Variants in CACNA1D observed in about 807,000 individuals in gnomAD.
The protein encoded by CACNA1D is calcium voltage-gated channel subunit alpha1 D.
CACNA1D carries 55 observed loss-of-function variants against 257.1 expected under a neutral mutation model. That is an observed-to-expected ratio of 0.21 (90% CI 0.17 to 0.27). The LOEUF (loss-of-function observed/expected upper bound fraction) is 0.27. Ranked by LOEUF, CACNA1D falls within the 10% of genes least tolerant of loss-of-function variation. The pLI, the probability that CACNA1D is intolerant of heterozygous loss-of-function variation, is 1.00. For missense variants in CACNA1D, 1,876 were observed against 2,784.0 expected, an observed-to-expected ratio of 0.67 and a Z score of 7.34; for synonymous variants, 980 against 1,014.9, an observed-to-expected ratio of 0.97 and a Z score of 0.65.
At chr3:53,792,191 C>T (rs1284939401) in intron 40 of CACNA1D, 1 of 152,160 alleles carries the variant, frequency 6.6e-6, no homozygotes, top group Non-Finnish European at 1.5e-5. Context: ...AGGCAATGCA[C>T]AAAGATGTCA....
intron 3 of CACNA1D, among the ~76,000 whole-genome samples, chr3:53,545,324 G>A (rs2092388326): frequency 6.6e-6 from 1 of 152,246 alleles, no homozygotes; most frequent in Non-Finnish European, 1.5e-5. Flanking sequence ...AGACCAGGCA[G>A]CAGAGCTGGC....
intron 33 of CACNA1D, 142 bp downstream of exon 33, chr3:53,773,040 A>G (rs1339897998): frequency 9.2e-6 from 7 of 763,008 alleles, no homozygotes; most frequent in South Asian, 1.5e-5. Context: ...AAGATGAGAA[A>G]GACAAAGCTG....
chr3:53,501,854 G>A, intron 3 of CACNA1D, 134 bp downstream of exon 3: 2 of 664,898 alleles, frequency 3.0e-6, no homozygotes, highest in South Asian at 1.7e-5. Flanking sequence ...CTTTGCAACA[G>A]TGGTTTTTTG....
Position 53,673,270 on chromosome 3 carries a change from T to C in CACNA1D, c.1220+144T>C. 1 of 626,770 alleles carries C rather than the reference T, an allele frequency of 1.6e-6. No individual in the cohort carries two copies. Among genetic ancestry groups the C allele is most frequent in the Non-Finnish European group, 2.9e-6 (1 of 350,574 alleles). The allele number at this position is 626,770 out of a possible 1,614,324, so 38.8% of individuals were successfully genotyped here. A position where few individuals can be genotyped will look rare whatever the true frequency, so the allele number is the denominator to read the frequency against. ...AGATGCTTTCTTTTCTGCTGAGGCT[T>C]CCCAAATCAAGCTGTTTCCTGGAAC... On this transcript the variant is annotated intron_variant, in intron 8 of 47. Coordinates refer to ENST00000350061, the MANE Select transcript of CACNA1D (RefSeq NM_001128840.3). The surrounding 1 kb of genome is among the most constrained non-coding windows in gnomAD (Gnocchi z 4.1).
At position 53,673,248 on chromosome 3, in the gene CACNA1D, T is replaced by C; in HGVS notation, c.1220+122T>C. 1.5e-6 allele frequency: 1 copy of C among 661,968 alleles called. No homozygotes were observed. Among genetic ancestry groups the C allele is most frequent in the Non-Finnish European group, 2.7e-6 (1 of 372,882 alleles). The allele number at this position is 661,968 out of a possible 1,614,324, so 41.0% of individuals were successfully genotyped here. On this transcript the variant is annotated intron_variant, in intron 8 of 47. Transcript: ENST00000350061. The surrounding 1 kb of genome is among the most constrained non-coding windows in gnomAD (Gnocchi z 4.1). ...CAGACATTTTATGTGTCCTCTGAGA[T>C]GCTTTCTTTTCTGCTGAGGCTTCCC...
At chr3:53,566,372 C>T (rs2092836491) in intron 3 of CACNA1D, among the ~76,000 whole-genome samples, 1 of 152,164 alleles carries the variant, frequency 6.6e-6, no homozygotes, top group Admixed American at 6.5e-5. Flanking sequence ...ATGTGCTTCC[C>T]TGGATGGGTG....
At chr3:53,718,630 A>C in intron 10 of CACNA1D, 14 of 1,160,770 alleles carry the variant, frequency 1.2e-5, no homozygotes, top group African/African-American at 1.7e-5. Flanking sequence ...TCCTGTAAGT[A>C]GAGCCCGTGA....
chr3:53,635,959 CCGGAAATTCA>C (rs2093878579), intron 3 of CACNA1D, among the ~76,000 whole-genome samples: 1 of 152,164 alleles, frequency 6.6e-6, no homozygotes, highest in Non-Finnish European at 1.5e-5. Flanking sequence ...AAACCAACCA[CCGGAAATTCA>C]CCTCCATCCC....
chr3:53,718,813 T>C lies in CACNA1D; in HGVS notation c.1478+425T>C, dbSNP rs1576451674. On this transcript the variant is annotated intron_variant, in intron 10 of 47. Transcript: ENST00000350061. ...TTGAAGAAGAGCTTCTGTGGCAGAG[T>C]TGCTGACTAGAATGTGCTACGTATT... 3.9e-6 allele frequency: 5 copies of C among 1,290,032 alleles called. No individual in the cohort carries two copies. The African/African-American group carries it at 5.9e-5, about 15-fold the overall frequency. The allele number at this position is 1,290,032 out of a possible 1,614,324, so 79.9% of individuals were successfully genotyped here.
At chr3:53,786,566 C>T (rs2095453862) in intron 39 of CACNA1D, 2 of 490,618 alleles carry the variant, frequency 4.1e-6, no homozygotes, top group Admixed American at 3.3e-5. Flanking sequence ...AAACTCATAA[C>T]AAATATATTA....
chr3:53,520,900 T>TTTCTTTCTTTCTTTCTTTC (rs879622099), intron 3 of CACNA1D, among the ~76,000 whole-genome samples: 3 of 98,592 alleles, frequency 3.0e-5, no homozygotes, highest in Admixed American at 1.1e-4. Context: ...CTTTCTTTTC[T>TTTCTTTCTTTCTTTCTTTC]TTTCTTTTCT....
intron 10 of CACNA1D, chr3:53,718,836 A>G (rs1185693832): frequency 8.8e-7 from 1 of 1,137,492 alleles, no homozygotes; most frequent in Non-Finnish European, 1.3e-6. Flanking sequence ...TGTGCTACGT[A>G]TTTAAGTTTT....
Position 53,723,709 on chromosome 3 carries a change from A to C in CACNA1D, c.1892+50A>C, listed in dbSNP as rs1318051821. 1 of 1,591,752 alleles carries C rather than the reference A, an allele frequency of 6.3e-7. No individual in the cohort carries two copies. ...AAATGTTTTATGAACATGAGGCGGC[A>C]ACCAGTCACATCCCCGGGCAGGTGA... On this transcript the variant is annotated intron_variant, in intron 13 of 47. Coordinates refer to ENST00000350061, the MANE Select transcript of CACNA1D (RefSeq NM_001128840.3). This position sits in a 1 kb window ranked among gnomAD's most constrained non-coding sequence, Gnocchi z 5.6.
chr3:53,707,995 C>T (rs1203948237), intron 9 of CACNA1D, among the ~76,000 whole-genome samples: 2 of 152,246 alleles, frequency 1.3e-5, no homozygotes, highest in East Asian at 3.8e-4. Flanking sequence ...CTGTCTTCTG[C>T]TTCTTCAGTG....
At chr3:53,669,729 G>C (rs2094304652) in intron 7 of CACNA1D, among the ~76,000 whole-genome samples, 1 of 152,202 alleles carries the variant, frequency 6.6e-6, no homozygotes, top group Admixed American at 6.5e-5. Context: ...AGTTCTGGTG[G>C]AAAGAAACCT....
intron 20 of CACNA1D, among the ~76,000 whole-genome samples, chr3:53,737,226 G>A (rs888942674): frequency 2.0e-5 from 3 of 152,014 alleles, no homozygotes; most frequent in Non-Finnish European, 4.4e-5. Context: ...AGCTGAGATC[G>A]CACCACTGCA....
intron 21 of CACNA1D, among the ~76,000 whole-genome samples, chr3:53,740,752 C>A (rs950317785): frequency 6.6e-6 from 1 of 151,836 alleles, no homozygotes; most frequent in Non-Finnish European, 1.5e-5. Context: ...AAAAAAATAC[C>A]CTCTGTAATT....
intron 3 of CACNA1D, among the ~76,000 whole-genome samples, chr3:53,636,823 A>G (rs1299726783): frequency 2.0e-5 from 3 of 152,164 alleles, no homozygotes; most frequent in Non-Finnish European, 4.4e-5. Flanking sequence ...CTTAATACCT[A>G]TTGTCAACTG....
At chr3:53,725,004 C>CTT (rs35909723) in intron 14 of CACNA1D, among the ~76,000 whole-genome samples, 109,938 of 145,000 alleles carry the variant, frequency 0.76, 42,579 homozygotes, top group East Asian at 0.87. Flanking sequence ...AAACTGGTGT[C>CTT]TTTTTTTTTT....
Sources: gnomAD v4.1 joint callset for allele counts (sites outside exome capture counted in the v4.1 genomes callset) on GRCh38, gnomAD v4.1.1 for gene constraint, Gnocchi (gnomAD v3.1) non-coding constraint, MANE v1.5 for transcripts, NCBI Gene and HGNC (gene_info 2026-07-23, HGNC 2026-07-21) for gene names.